GALNT17: variants seen among roughly 807,000 people sequenced by gnomAD.
The protein encoded by GALNT17 is UDP-GalNAc:polypeptide N-acetylgalactosaminyltransferase-like 3.
GALNT17 carries 29 observed loss-of-function variants against 63.7 expected under a neutral mutation model. The ratio of observed to expected loss-of-function variants is 0.46; its 90% CI spans 0.34 to 0.62. GALNT17 has a LOEUF of 0.62. Among genes scored for constraint, GALNT17 ranks in the 20% least tolerant of loss-of-function variants. GALNT17 has a pLI of 0.01. For missense variants in GALNT17, 603 were observed against 799.6 expected, an observed-to-expected ratio of 0.75 and a Z score of 2.97; for synonymous variants, 305 against 318.3, an observed-to-expected ratio of 0.96 and a Z score of 0.45.
chr7:71,414,942 T>C (rs1205838750), intron 3 of GALNT17, among the ~76,000 whole-genome samples: 1 of 152,020 alleles, frequency 6.6e-6, no homozygotes, highest in Non-Finnish European at 1.5e-5. Context: ...CCCCTCCTTT[T>C]CCTCCCTATA....
At chr7:71,338,453 G>T (rs1160679179) in intron 2 of GALNT17, among the ~76,000 whole-genome samples, 1 of 152,124 alleles carries the variant, frequency 6.6e-6, no homozygotes, top group African/African-American at 2.4e-5. Context: ...AGTCTGGGAG[G>T]TCAAGTCTGC....
At chr7:71,268,763 C>T (rs973871514) in intron 1 of GALNT17, among the ~76,000 whole-genome samples, 1 of 151,956 alleles carries the variant, frequency 6.6e-6, no homozygotes, top group Non-Finnish European at 1.5e-5. Context: ...TGTGACTTCT[C>T]TGGACTTGGA....
intron 3 of GALNT17, among the ~76,000 whole-genome samples, chr7:71,414,456 A>G (rs1375544758): frequency 1.3e-5 from 2 of 152,140 alleles, no homozygotes; most frequent in Non-Finnish European, 2.9e-5. Context: ...ATTAGGCCTT[A>G]TCCTTTTACT....
At chr7:71,214,939 A>G (rs9638289) in intron 1 of GALNT17, among the ~76,000 whole-genome samples, 56,669 of 152,046 alleles carry the variant, frequency 0.37, 10,894 homozygotes, top group South Asian at 0.53. Context: ...TGCATACATC[A>G]TTTGCTCCCC....
intron 5 of GALNT17, among the ~76,000 whole-genome samples, chr7:71,542,695 C>CAAAA (rs10664146): frequency 0.079 from 9,433 of 120,144 alleles, 1,225 homozygotes; most frequent in African/African-American, 0.27. Context: ...GACTCCCTGT[C>CAAAA]AAAAAAAAAA....
chr7:71,444,477 G>A (rs542248603), intron 5 of GALNT17, among the ~76,000 whole-genome samples: 79 of 150,252 alleles, frequency 5.3e-4, no homozygotes, highest in African/African-American at 2.0e-3. Context: ...CACCCACCGT[G>A]GAAAACAGGG....
chr7:71,654,811 A>G (rs1232670589), intron 6 of GALNT17, among the ~76,000 whole-genome samples: 3 of 152,032 alleles, frequency 2.0e-5, no homozygotes, highest in African/African-American at 7.3e-5. Context: ...TTATTTTGAG[A>G]TGGAGTCTTG....
At chr7:71,392,986 A>T (rs6953864) in intron 3 of GALNT17, among the ~76,000 whole-genome samples, 18,448 of 152,146 alleles carry the variant, frequency 0.12, 2,517 homozygotes, top group African/African-American at 0.34. Flanking sequence ...TTCCTGCCAG[A>T]CATCAATTTT....
At chr7:71,234,237 G>C (rs1789844479) in intron 1 of GALNT17, among the ~76,000 whole-genome samples, 1 of 152,130 alleles carries the variant, frequency 6.6e-6, no homozygotes, top group African/African-American at 2.4e-5. Flanking sequence ...TGAGCTATCT[G>C]TAAGGACATT....
In GALNT17 at chr7:71,434,398, C is replaced by G. The variant is rs1256525994; in HGVS notation, c.962+13293C>G. On this transcript the variant is annotated intron_variant, in intron 5 of 10. Coordinates refer to ENST00000333538, the MANE Select transcript of GALNT17 (RefSeq NM_022479.3). ...ACCTCCCTGGGCCTGGTAGAGAATC[C>G]TGGTCAATTGCAGTGTGTTGTGGGT... is the stretch of plus-strand genomic sequence containing the variant. Among the ~76,000 whole-genome samples, 3 of 152,274 alleles carry G rather than the reference C, an allele frequency of 2.0e-5. No homozygotes were observed. In the East Asian group the frequency reaches 5.8e-4, roughly 29 times the overall value.
chr7:71,408,923 T>C (rs551413491), intron 3 of GALNT17, among the ~76,000 whole-genome samples: 2 of 151,702 alleles, frequency 1.3e-5, no homozygotes, highest in Non-Finnish European at 2.9e-5. Context: ...TATGTATGTA[T>C]GTATTTATAT....
In GALNT17 at chr7:71,230,593, T is replaced by C. The variant is rs116469935; in HGVS notation, c.238+97553T>C. ...GCCGGCATGGTGAGTGGTTGGGGACTGTGGATGAGGACTGGTTAGATAGCC... is the reference window on the plus strand; with the variant it reads ...GCCGGCATGGTGAGTGGTTGGGGACCGTGGATGAGGACTGGTTAGATAGCC... On this transcript the variant is annotated intron_variant, in intron 1 of 10. Coordinates refer to ENST00000333538, the MANE Select transcript of GALNT17 (RefSeq NM_022479.3). Among the ~76,000 whole-genome samples, 466 of 152,300 alleles carry C rather than the reference T, an allele frequency of 3.1e-3. 1 individual carries two copies. Among genetic ancestry groups the C allele is most frequent in the African/African-American group, 0.011 (446 of 41,560 alleles).
At chr7:71,253,010 A>G (rs565324402) in intron 1 of GALNT17, among the ~76,000 whole-genome samples, 1 of 152,250 alleles carries the variant, frequency 6.6e-6, no homozygotes, top group East Asian at 1.9e-4. Flanking sequence ...TGCATCCTCT[A>G]TGTTTATTAA....
chr7:71,707,605 G>T (rs1791739279), intron 9 of GALNT17, among the ~76,000 whole-genome samples: 1 of 152,162 alleles, frequency 6.6e-6, no homozygotes, highest in South Asian at 2.1e-4. Flanking sequence ...TCTGGACTAG[G>T]CTTGGCTGAT....
At chr7:71,222,937 G>A (rs1000200137) in intron 1 of GALNT17, among the ~76,000 whole-genome samples, 4 of 152,040 alleles carry the variant, frequency 2.6e-5, no homozygotes, top group Admixed American at 6.6e-5. Flanking sequence ...GCTGGTCACC[G>A]TGGTATTCAC....
chr7:71,241,536 A>C (rs1789996837), intron 1 of GALNT17, among the ~76,000 whole-genome samples: 2 of 152,180 alleles, frequency 1.3e-5, no homozygotes, highest in South Asian at 4.1e-4. Flanking sequence ...TTTGCTCTTA[A>C]AGGCAAGGAG....
intron 5 of GALNT17, among the ~76,000 whole-genome samples, chr7:71,566,843 T>A (rs958195160): frequency 6.6e-6 from 1 of 152,084 alleles, no homozygotes; most frequent in Non-Finnish European, 1.5e-5. Context: ...GAGCCAGGGC[T>A]CTCAGCAGAT....
intron 1 of GALNT17, among the ~76,000 whole-genome samples, chr7:71,184,367 C>G (rs1788792796): frequency 6.9e-6 from 1 of 144,092 alleles, no homozygotes; most frequent in Non-Finnish European, 1.5e-5. Flanking sequence ...GATTTGATCT[C>G]TGCTAGCTTG....
intron 2 of GALNT17, among the ~76,000 whole-genome samples, chr7:71,374,148 A>G (rs1792677859): frequency 6.6e-6 from 1 of 152,206 alleles, no homozygotes; most frequent in Non-Finnish European, 1.5e-5. Context: ...AAGCAATAAA[A>G]AATTCCTCCA....
Sources: gnomAD v4.1 joint callset for allele counts (sites outside exome capture counted in the v4.1 genomes callset) on GRCh38, gnomAD v4.1.1 for gene constraint, MANE v1.5 for transcripts, NCBI Gene and HGNC (gene_info 2026-07-23, HGNC 2026-07-21) for gene names.